The following TRPM3 variants were observed in gnomAD, a reference collection of about 807,000 sequenced individuals.
TRPM3 encodes the protein long transient receptor potential channel 3.
A neutral mutation model predicts 181.2 loss-of-function variants in TRPM3; 77 were observed. The observed-to-expected ratio is 0.42, with a 90% CI of 0.35 to 0.51. The LOEUF is 0.51. Among genes scored for constraint, TRPM3 ranks in the 20% least tolerant of loss-of-function variants. The pLI is 0.01. For synonymous variants in TRPM3, 745 were observed against 796.4 expected, an observed-to-expected ratio of 0.94 and a Z score of 1.09; for missense variants, 1,759 against 2,196.7, an observed-to-expected ratio of 0.80 and a Z score of 3.98.
At chr9:71,428,948 GAA>G (rs34737844) in intron 1 of TRPM3, among the ~76,000 whole-genome samples, 15,526 of 122,010 alleles carry the variant, frequency 0.13, 911 homozygotes, top group South Asian at 0.2. Context: ...TGTTTCAAAG[GAA>G]AAAAAAAAAA....
At chr9:70,838,409 C>A (rs2094448769) in intron 5 of TRPM3, among the ~76,000 whole-genome samples, 1 of 152,196 alleles carries the variant, frequency 6.6e-6, no homozygotes, top group South Asian at 2.1e-4. Flanking sequence ...ATCCCTATCT[C>A]TTTCTACCAT....
At chr9:71,203,605 G>C (rs2078935895) in intron 1 of TRPM3, among the ~76,000 whole-genome samples, 1 of 152,132 alleles carries the variant, frequency 6.6e-6, no homozygotes, top group Non-Finnish European at 1.5e-5. Flanking sequence ...CTGGCTGTGT[G>C]ACCTTAGGCA....
intron 1 of TRPM3, among the ~76,000 whole-genome samples, chr9:71,216,777 C>A (rs918764739): frequency 6.6e-6 from 1 of 152,114 alleles, no homozygotes; most frequent in East Asian, 1.9e-4. Flanking sequence ...GTGCTCAACA[C>A]AGGTTCATGG....
At chr9:70,669,235 T>G (rs923499947) in intron 9 of TRPM3, among the ~76,000 whole-genome samples, 2 of 152,210 alleles carry the variant, frequency 1.3e-5, no homozygotes, top group South Asian at 2.1e-4. Context: ...AGCAGACACC[T>G]CTCAGTTCCC....
chr9:70,610,503 G>A (rs2061844015), intron 19 of TRPM3, 106 bp downstream of exon 19: 3 of 1,366,912 alleles, frequency 2.2e-6, no homozygotes, highest in South Asian at 2.9e-5. Context: ...TTTCACTCCT[G>A]TGTGTGGCAC....
chr9:71,179,219 A>G (rs1313814487), intron 1 of TRPM3, among the ~76,000 whole-genome samples: 1 of 152,158 alleles, frequency 6.6e-6, no homozygotes, highest in Non-Finnish European at 1.5e-5. Context: ...AAAATGCATT[A>G]CTGCTTCCAA....
intron 1 of TRPM3, among the ~76,000 whole-genome samples, chr9:71,000,988 C>T (rs544990418): frequency 6.6e-6 from 1 of 152,272 alleles, no homozygotes; most frequent in South Asian, 2.1e-4. Flanking sequence ...AGAAAAGTCT[C>T]AGAAGATTAC....
intron 9 of TRPM3, among the ~76,000 whole-genome samples, chr9:70,661,157 A>G (rs913638460): frequency 6.6e-6 from 1 of 152,108 alleles, no homozygotes; most frequent in Non-Finnish European, 1.5e-5. Context: ...TAAGTGTGAT[A>G]TATTACATAA....
chr9:70,915,731 A>G (rs1467670520), intron 1 of TRPM3, among the ~76,000 whole-genome samples: 36 of 152,166 alleles, frequency 2.4e-4, no homozygotes, highest in Admixed American at 2.3e-3. Context: ...GCAAGCCTAC[A>G]AGATCTAGAA....
chr9:70,967,304 A>G (rs1371242499), intron 1 of TRPM3, among the ~76,000 whole-genome samples: 8 of 152,138 alleles, frequency 5.3e-5, no homozygotes, highest in African/African-American at 1.9e-4. Flanking sequence ...GAGGGGAGGG[A>G]AGGTTGGAAA....
chr9:70,942,870 T>G (rs1247718626), intron 1 of TRPM3, among the ~76,000 whole-genome samples: 1 of 152,178 alleles, frequency 6.6e-6, no homozygotes, highest in Non-Finnish European at 1.5e-5. Context: ...TTTTTCTTTT[T>G]ATCAAATTCC....
chr9:71,347,453 T>C (rs190172509), intron 1 of TRPM3, among the ~76,000 whole-genome samples: 1 of 152,348 alleles, frequency 6.6e-6, no homozygotes, highest in African/African-American at 2.4e-5. Flanking sequence ...TACTTGCCAT[T>C]ATTGAAATAC....
intron 22 of TRPM3, among the ~76,000 whole-genome samples, chr9:70,584,280 C>G (rs965165157): frequency 6.6e-6 from 1 of 152,150 alleles, no homozygotes; most frequent in Non-Finnish European, 1.5e-5. Context: ...TCTCTGTTAC[C>G]TTTTCAAGTA....
intron 1 of TRPM3, among the ~76,000 whole-genome samples, chr9:71,098,960 C>T (rs2067804615): frequency 6.6e-6 from 1 of 152,104 alleles, no homozygotes; most frequent in Admixed American, 6.6e-5. Context: ...GTGTCATTGC[C>T]AGACTGGGCT....
rs1400431199 is a variant in TRPM3, at chr9:71,197,870, G to T, written c.183+248783C>A. Among the ~76,000 whole-genome samples the T allele has an allele frequency of 2.7e-5, 4 of 146,624 alleles. No homozygotes were observed. The South Asian group carries it at 9.1e-4, about 33-fold the overall frequency. ...TCTTTTGCTGTGCAGAAGCTCTTTA[G>T]TTTAATTAGATCCCATTTGTCAATT... On this transcript the variant is annotated intron_variant, in intron 1 of 24. Transcript: ENST00000357533.
chr9:70,544,084 G>T (rs1227755629), intron 25 of TRPM3, among the ~76,000 whole-genome samples: 1 of 152,164 alleles, frequency 6.6e-6, no homozygotes, highest in Non-Finnish European at 1.5e-5. Context: ...CTTTCAATGG[G>T]TTAAAGGAAC....
intron 1 of TRPM3, among the ~76,000 whole-genome samples, chr9:71,365,880 C>T (rs1159098677): frequency 6.6e-6 from 1 of 151,900 alleles, no homozygotes; most frequent in African/African-American, 2.4e-5. Flanking sequence ...GTTGCTGTAC[C>T]AGAATATAAA....
chr9:71,431,778 T>C (rs1284725619), intron 1 of TRPM3, among the ~76,000 whole-genome samples: 1 of 152,210 alleles, frequency 6.6e-6, no homozygotes, highest in African/African-American at 2.4e-5. Context: ...TGATGAAAGA[T>C]TACATAAGAG....
intron 1 of TRPM3, among the ~76,000 whole-genome samples, chr9:71,217,333 G>A (rs1270414004): frequency 6.6e-6 from 1 of 152,156 alleles, no homozygotes; most frequent in African/African-American, 2.4e-5. Flanking sequence ...GCAAAGACAT[G>A]CCATGCAACA....
Sources: gnomAD v4.1 joint callset for allele counts (sites outside exome capture counted in the v4.1 genomes callset) on GRCh38, gnomAD v4.1.1 for gene constraint, MANE v1.5 for transcripts, NCBI Gene and HGNC (gene_info 2026-07-23, HGNC 2026-07-21) for gene names.